CDX4: variants seen among roughly 807,000 people sequenced by gnomAD.
CDX4 encodes the protein homeobox protein CDX-4.
In CDX4, 11 loss-of-function variants were observed where a neutral mutation model predicts 14.1. That is an observed-to-expected ratio of 0.78 (90% CI 0.49 to 1.29). The LOEUF is 1.29. Among genes scored for constraint, CDX4 ranks in the 50% most tolerant of loss-of-function variants. The pLI is 0.00. For synonymous variants in CDX4, 100 were observed against 93.5 expected (o/e 1.07, Z -0.40); for missense variants, 257 against 237.4 (o/e 1.08, Z -0.54).
intron 1 of CDX4, 50 bp from the exon 2 acceptor site, chrX:73,453,467 A>G: frequency 9.1e-7 from 1 of 1,103,531 alleles, no homozygotes; most frequent in South Asian, 2.1e-5. Flanking sequence ...AACTAAAACA[A>G]TCTCCAAGAA....
intron 2 of CDX4, 97 bp downstream of exon 2, chrX:73,453,759 A>G: frequency 1.4e-6 from 1 of 722,728 alleles, no homozygotes; most frequent in Non-Finnish European, 2.0e-6. Context: ...GCCTTATCCC[A>G]AGTAGCTTGC....
chrX:73,447,317 G>C lies in CDX4; in HGVS notation c.64G>C (p.Gly22Arg). 8.3e-7 allele frequency: 1 copy of C among 1,211,087 alleles called. No homozygotes were observed. Among genetic ancestry groups the C allele is most frequent in the Non-Finnish European group, 1.1e-6 (1 of 894,990 alleles). The change falls in exon 1 of 3, where the codon GGG (glycine) becomes CGG (arginine). Residue 22 changes from glycine (G) to arginine (R), a missense_variant. Transcript: ENST00000373514. Reference protein sequence around the residue: ...GMYPGTLMSPGGDGTAGTGGT... With the variant: ...GMYPGTLMSPRGDGTAGTGGT... ...GTACCCGGGCACTCTCATGAGCCCTGGGGGCGACGGCACAGCTGGGACAGG... is the reference window on the plus strand; with the variant it reads ...GTACCCGGGCACTCTCATGAGCCCTCGGGGCGACGGCACAGCTGGGACAGG...
rs2057072267 is a variant in CDX4, at chrX:73,447,108, G to A, written c.-146G>A. The A allele has an allele frequency of 1.6e-6, 1 of 611,228 alleles. No homozygotes were observed. The highest frequency in any genetic ancestry group is 3.7e-5 in the Admixed American group (1 of 27,074). 50.4% of individuals were successfully genotyped at this position (611,228 alleles called of 1,213,427 possible). A position where few individuals can be genotyped will look rare whatever the true frequency, so the allele number is the denominator to read the frequency against. ...TCACCTGGATACCCTCGTAAGAAAC[G>A]TGGGATGGAGTAGCCTGAGGGGTGC... On this transcript the variant is annotated 5_prime_UTR_variant, in exon 1 of 3. In the 5' UTR this introduces an upstream ATG that the reference lacks. Coordinates refer to ENST00000373514, the MANE Select transcript of CDX4 (RefSeq NM_005193.2).
In CDX4 at chrX:73,453,604, A is replaced by G. The variant is rs2057096523; in HGVS notation, c.590A>G (p.Tyr197Cys). 1 of 1,204,347 alleles carries G rather than the reference A, an allele frequency of 8.3e-7. No homozygotes were observed. Among genetic ancestry groups the G allele is most frequent in the Non-Finnish European group, 1.1e-6 (1 of 890,354 alleles). ...ELEKEFHCNRYITIQRKSELA... is the reference protein window; with the variant it reads ...ELEKEFHCNRCITIQRKSELA... ...GAAAAGGAATTCCATTGCAATAGAT[A>G]TATCACCATCCAGAGAAAATCAGAG... The change falls in exon 2 of 3, where the codon TAT (tyrosine) becomes TGT (cysteine). Residue 197 changes from tyrosine to cysteine, a missense_variant. Transcript: ENST00000373514.
chrX:73,453,594 T>C lies in CDX4; in HGVS notation c.580T>C (p.Cys194Arg), dbSNP rs750645875. 1.0e-5 allele frequency: 12 copies of C among 1,199,440 alleles called. No homozygotes were observed. In the East Asian group the frequency reaches 3.3e-4, roughly 33 times the overall value. ...ATTGGAGCTGGAAAAGGAATTCCAT[T>C]GCAATAGATATATCACCATCCAGAG... ...QRLELEKEFH[C>R]NRYITIQRKS... Residue 194 changes from cysteine (C) to arginine (R), a missense_variant, in exon 2 of 3, where the codon TGC (cysteine) becomes CGC (arginine). Cys to Arg is a radical substitution (Grantham distance 180, BLOSUM62 -3). Transcript: ENST00000373514.
chrX:73,447,431 C>T lies in CDX4; in HGVS notation c.178C>T (p.Pro60Ser). The T allele has an allele frequency of 8.3e-7, 1 of 1,210,548 alleles. No homozygotes were observed. The change falls in exon 1 of 3, where the codon CCC becomes TCC. Residue 60 changes from proline to serine, a missense_variant. By Grantham distance (74) the Pro-to-Ser change is moderately conservative. Transcript: ENST00000373514. ...GCACTATATGGGGTATCCTCATATGCCCAGCATGGATCCTCACTGGCCGTC... is the reference window on the plus strand; with the variant it reads ...GCACTATATGGGGTATCCTCATATGTCCAGCATGGATCCTCACTGGCCGTC... ...FSHYMGYPHM[P>S]SMDPHWPSLG...
At position 73,447,484 on chromosome X, in the gene CDX4, T is replaced by C. The variant is rs773593959; in HGVS notation, c.231T>C (p.Ser77=). The change falls in exon 1 of 3, where the codon AGT becomes AGC. Residue 77 remains serine, a synonymous_variant. Transcript: ENST00000373514. ...PSLGVWGSPY[S]PPREDWSVYP... ...TGGGAGTCTGGGGCTCACCCTACAG[T>C]CCCCCGCGAGAAGACTGGAGCGTGT... The C allele has an allele frequency of 2.5e-6, 3 of 1,211,088 alleles. No homozygotes were observed. The highest frequency in any genetic ancestry group is 3.4e-6 in the Non-Finnish European group (3 of 895,203).
chrX:73,449,840 A>G (rs2057081769), intron 1 of CDX4, among the ~76,000 whole-genome samples: 1 of 111,547 alleles, frequency 9.0e-6, no homozygotes, highest in African/African-American at 3.3e-5. Context: ...TAGGAGATTC[A>G]TGGATCCATT....
intron 1 of CDX4, 111 bp from the exon 2 acceptor site, chrX:73,453,406 T>A: frequency 1.7e-6 from 1 of 582,332 alleles, no homozygotes; most frequent in Non-Finnish European, 2.6e-6. Flanking sequence ...ATATACTTAT[T>A]TTATATTTTA....
rs1246151225 is a variant in CDX4, at chrX:73,447,390, C to A, written c.137C>A (p.Ala46Glu). 8.3e-7 allele frequency: 1 copy of A among 1,209,012 alleles called. No homozygotes were observed. ...CCGATGCCAGCCTCCAATTTCGCTG[C>A]GGCACCGGCTTTCTCGCACTATATG... The part of the protein sequence containing the change: ...GSPMPASNFA[A>E]APAFSHYMGY... Residue 46 changes from alanine to glutamate, a missense_variant, in exon 1 of 3, where the codon GCG becomes GAG. Coordinates refer to ENST00000373514, the MANE Select transcript of CDX4 (RefSeq NM_005193.2).
At chrX:73,452,729 C>A (rs1318422516) in intron 1 of CDX4, among the ~76,000 whole-genome samples, 1 of 111,085 alleles carries the variant, frequency 9.0e-6, no homozygotes, top group Non-Finnish European at 1.9e-5. Flanking sequence ...TGCTAAATGA[C>A]AATTAATGTT....
In CDX4 at chrX:73,447,348, CAG is replaced by C. The variant is rs1439412257; in HGVS notation, c.96_97del (p.Gly34ArgfsTer57). ...GACGGCACAGCTGGGACAGGCGGCACAGGGGGCGGTGGGAGTCCGATGCCAGC... is the reference window on the plus strand; with the variant it reads ...GACGGCACAGCTGGGACAGGCGGCACGGGGCGGTGGGAGTCCGATGCCAGC... On this transcript the variant is annotated frameshift_variant, in exon 1 of 3. Coordinates refer to ENST00000373514, the MANE Select transcript of CDX4 (RefSeq NM_005193.2). LOFTEE classifies it high-confidence loss of function. The C allele has an allele frequency of 5.0e-6, 6 of 1,209,129 alleles. No homozygotes were observed. The highest frequency in any genetic ancestry group is 6.7e-6 in the Non-Finnish European group (6 of 894,903).
At chrX:73,448,764 C>T (rs2057078767) in intron 1 of CDX4, among the ~76,000 whole-genome samples, 1 of 111,813 alleles carries the variant, frequency 8.9e-6, no homozygotes, top group Non-Finnish European at 1.9e-5. Context: ...CTTATTATTC[C>T]AACCCTCGCT....
In CDX4 at chrX:73,453,257, G is replaced by A. The variant is rs143803297; in HGVS notation, c.503-260G>A. Among the ~76,000 whole-genome samples the A allele has an allele frequency of 6.5e-3, 721 of 111,096 alleles. 8 individuals carry two copies. Among genetic ancestry groups the A allele is most frequent in the African/African-American group, 0.022 (674 of 30,679 alleles). On this transcript the variant is annotated intron_variant, in intron 1 of 2. Transcript: ENST00000373514. ...AGAAACATTAATTAAAGAGATGTTG[G>A]TTTTATATATAAGGAGAGATATAGA...
rs752765305 is a variant in CDX4 at position 73,447,595 on chromosome X, C to A, written c.342C>A (p.Ser114Arg). The A allele has an allele frequency of 6.6e-6, 8 of 1,209,757 alleles. No homozygotes were observed. The Admixed American group carries it at 1.3e-4, about 20-fold the overall frequency. Reference protein sequence around the residue: ...SPAAFCSTDYSNLGPVGGGTS... With the variant: ...SPAAFCSTDYRNLGPVGGGTS... The stretch of plus-strand genomic sequence containing the variant: ...CCGCTTTCTGCTCGACCGACTACAG[C>A]AACTTGGGCCCTGTGGGCGGTGGAA... Residue 114 changes from serine to arginine, a missense_variant, in exon 1 of 3, where the codon AGC becomes AGA. Coordinates refer to ENST00000373514, the MANE Select transcript of CDX4 (RefSeq NM_005193.2).
Position 73,454,542 on chromosome X carries a change from G to T in CDX4, c.812G>T (p.Gly271Val). ...TFFTTPSAVR[G>V]FQPIEIQQVI... Reference sequence around the variant, plus strand: ...TTCACCACACCATCTGCTGTTCGTGGATTTCAACCTATTGAGATACAGCAG... The same window carrying T: ...TTCACCACACCATCTGCTGTTCGTGTATTTCAACCTATTGAGATACAGCAG... The change falls in exon 3 of 3, where the codon GGA becomes GTA. Residue 271 changes from glycine to valine, a missense_variant. Gly to Val is a moderately radical substitution (Grantham distance 109). Coordinates refer to ENST00000373514, the MANE Select transcript of CDX4 (RefSeq NM_005193.2). 1.7e-6 allele frequency: 2 copies of T among 1,210,054 alleles called. No individual in the cohort carries two copies. The highest frequency in any genetic ancestry group is 2.2e-6 in the Non-Finnish European group (2 of 894,188).
rs754902561 is a variant in CDX4 at position 73,447,588 on chromosome X, A to C, written c.335A>C (p.Asp112Ala). The part of the protein sequence containing the change: ...TSSPAAFCST[D>A]YSNLGPVGGG... The stretch of plus-strand genomic sequence containing the variant: ...AGCCCCGCCGCTTTCTGCTCGACCG[A>C]CTACAGCAACTTGGGCCCTGTGGGC... Residue 112 changes from aspartate to alanine, a missense_variant, in exon 1 of 3, where the codon GAC (aspartate) becomes GCC (alanine). Asp to Ala is a moderately radical substitution (Grantham distance 126, BLOSUM62 -2). Coordinates refer to ENST00000373514, the MANE Select transcript of CDX4 (RefSeq NM_005193.2). 5.8e-6 allele frequency: 7 copies of C among 1,209,369 alleles called. No homozygotes were observed. The highest frequency in any genetic ancestry group is 4.5e-6 in the Non-Finnish European group (4 of 895,016).
At position 73,447,174 on chromosome X, in the gene CDX4, C is replaced by A; in HGVS notation, c.-80C>A. The stretch of plus-strand genomic sequence containing the variant: ...ACAACTACGTACTGATAAGTTTATT[C>A]TCTGCTGCTTCTCAAAGTCGAGTTG... On this transcript the variant is annotated 5_prime_UTR_variant, in exon 1 of 3. Coordinates refer to ENST00000373514, the MANE Select transcript of CDX4 (RefSeq NM_005193.2). 9.3e-7 allele frequency: 1 copy of A among 1,073,050 alleles called. No homozygotes were observed. Among genetic ancestry groups the A allele is most frequent in the Non-Finnish European group, 1.3e-6 (1 of 790,625 alleles). 88.4% of individuals were successfully genotyped at this position (1,073,050 alleles called of 1,213,427 possible). A position where few individuals can be genotyped will look rare whatever the true frequency, so the allele number is the denominator to read the frequency against.
intron 1 of CDX4, among the ~76,000 whole-genome samples, chrX:73,452,123 C>CTTTT (rs34896025): frequency 1.5e-5 from 1 of 66,669 alleles, no homozygotes. Context: ...CACTGGTGTC[C>CTTTT]TTTTTTTTTT....
Sources: allele counts gnomAD v4.1 joint callset (sites outside exome capture counted in the v4.1 genomes callset), GRCh38; gene constraint gnomAD v4.1.1; transcripts MANE v1.5; gene names NCBI Gene and HGNC (gene_info 2026-07-23, HGNC 2026-07-21).